The following INTU variants were observed in gnomAD, a reference collection of about 807,000 sequenced individuals.
The protein encoded by INTU is protein inturned.
INTU carries 68 observed loss-of-function variants against 100.5 expected under a neutral mutation model. The ratio of observed to expected loss-of-function variants is 0.68; its 90% confidence interval spans 0.56 to 0.83. The LOEUF is 0.83. INTU is among the 40% of genes least tolerant of loss of function. The pLI is 0.00. For missense variants in INTU, 1,071 were observed against 1,114.7 expected (o/e 0.96, Z 0.56); for synonymous variants, 357 against 395.7 (o/e 0.90, Z 1.16).
intron 5 of INTU, among the ~76,000 whole-genome samples, chr4:127,670,275 T>A (rs772156425): frequency 6.6e-6 from 1 of 151,860 alleles, no homozygotes; most frequent in Non-Finnish European, 1.5e-5. Flanking sequence ...TGAAAAAATA[T>A]CAAGTTGGAT....
chr4:127,680,781 G>T (rs1729497823), intron 6 of INTU, among the ~76,000 whole-genome samples: 2 of 150,166 alleles, frequency 1.3e-5, no homozygotes, highest in African/African-American at 4.9e-5. Flanking sequence ...GAAATAAAGG[G>T]TATTCAATTA....
chr4:127,691,383 T>C (rs950272824), intron 8 of INTU, among the ~76,000 whole-genome samples: 2 of 152,158 alleles, frequency 1.3e-5, no homozygotes, highest in African/African-American at 4.8e-5. Context: ...CTACCAGCAA[T>C]GAATGAGAGT....
intron 4 of INTU, among the ~76,000 whole-genome samples, chr4:127,668,286 C>T (rs936552687): frequency 6.6e-6 from 1 of 151,814 alleles, no homozygotes; most frequent in Admixed American, 6.6e-5. Flanking sequence ...TAAAAACTAT[C>T]TGTTTCCCGG....
chr4:127,654,550 C>T (rs1728082174), intron 2 of INTU, among the ~76,000 whole-genome samples: 1 of 152,066 alleles, frequency 6.6e-6, no homozygotes, highest in Admixed American at 6.6e-5. Context: ...GAATATTGGC[C>T]CCCACTCTCT....
intron 8 of INTU, among the ~76,000 whole-genome samples, chr4:127,688,101 A>G (rs1729915613): frequency 6.6e-6 from 1 of 152,150 alleles, no homozygotes; most frequent in Non-Finnish European, 1.5e-5. Flanking sequence ...TATCCAAGCT[A>G]GGACTACTTT....
intron 8 of INTU, among the ~76,000 whole-genome samples, chr4:127,695,616 C>A (rs921410949): frequency 5.3e-5 from 8 of 152,130 alleles, no homozygotes; most frequent in African/African-American, 1.9e-4. Context: ...TCAATTCTTT[C>A]AGATTTTCTG....
intron 1 of INTU, among the ~76,000 whole-genome samples, chr4:127,641,158 A>C (rs1235120885): frequency 6.6e-6 from 1 of 152,140 alleles, no homozygotes; most frequent in Admixed American, 6.6e-5. Flanking sequence ...CCCCCTGACT[A>C]GCCCTCCTGC....
In INTU at chr4:127,646,713, A is replaced by G. The variant is rs1380347205; in HGVS notation, c.682+2657A>G. ...TTTTCTTCATTTAACAGTTTTCACA[A>G]AAGCAAGTTGGTACCATTATTCAAG... On this transcript the variant is annotated intron_variant, in intron 2 of 15. Coordinates refer to ENST00000335251, the MANE Select transcript of INTU (RefSeq NM_015693.4). 2.0e-5 allele frequency among the ~76,000 whole-genome samples: 3 copies of G among 152,304 alleles called. No individual in the cohort carries two copies. The East Asian group carries it at 5.8e-4, about 29-fold the overall frequency.
intron 6 of INTU, among the ~76,000 whole-genome samples, chr4:127,678,983 AC>A (rs1281784127): frequency 3.3e-5 from 5 of 152,052 alleles, no homozygotes; most frequent in African/African-American, 1.2e-4. Flanking sequence ...CTTTAAACCA[AC>A]AAAGATCAAA....
chr4:127,708,977 G>A (rs1234524899), intron 13 of INTU, among the ~76,000 whole-genome samples: 1 of 152,120 alleles, frequency 6.6e-6, no homozygotes, highest in Admixed American at 6.6e-5. Flanking sequence ...ATTTTTTAGA[G>A]TGTTTGGTGG....
At chr4:127,636,647 C>A (rs542256669) in intron 1 of INTU, among the ~76,000 whole-genome samples, 1 of 151,834 alleles carries the variant, frequency 6.6e-6, no homozygotes, top group Non-Finnish European at 1.5e-5. Flanking sequence ...TACAGCAAAG[C>A]CCTAACACAA....
At chr4:127,638,872 A>G (rs1334176964) in intron 1 of INTU, among the ~76,000 whole-genome samples, 2 of 152,186 alleles carry the variant, frequency 1.3e-5, no homozygotes, top group Non-Finnish European at 2.9e-5. Context: ...TGCAGCTTGT[A>G]CTATAAGGTC....
chr4:127,650,396 C>G (rs986031155), intron 2 of INTU, among the ~76,000 whole-genome samples: 1 of 139,302 alleles, frequency 7.2e-6, no homozygotes, highest in African/African-American at 2.7e-5. Flanking sequence ...ACCACAGTCC[C>G]CAGAGTGTGA....
At chr4:127,665,735 A>G (rs1004354749) in intron 4 of INTU, among the ~76,000 whole-genome samples, 2 of 152,124 alleles carry the variant, frequency 1.3e-5, no homozygotes, top group African/African-American at 2.4e-5. Context: ...CTAGCTGCCA[A>G]TGAGAGAAGA....
At chr4:127,700,772 T>TAAA (rs370306956) in intron 9 of INTU, among the ~76,000 whole-genome samples, 37 of 137,792 alleles carry the variant, frequency 2.7e-4, no homozygotes, top group African/African-American at 9.1e-4. Context: ...ATAATGATAC[T>TAAA]AAAAAAAAAA....
chr4:127,650,482 T>C (rs1727802073), intron 2 of INTU, among the ~76,000 whole-genome samples: 1 of 151,614 alleles, frequency 6.6e-6, no homozygotes, highest in South Asian at 2.1e-4. Context: ...TGTTTGGTTT[T>C]TTGTTCTTGC....
Position 127,653,407 on chromosome 4 carries a change from T to G in INTU, c.683-3229T>G, listed in dbSNP as rs1482810612. On this transcript the variant is annotated intron_variant, in intron 2 of 15. Coordinates refer to ENST00000335251, the MANE Select transcript of INTU (RefSeq NM_015693.4). ...CACTGCTTTGAATGCGTCCCAGAGA[T>G]TCTGGTATGTTGTGTCTTTGTTCTC... 9.3e-3 allele frequency among the ~76,000 whole-genome samples: 1,347 copies of G among 144,624 alleles called. 9 individuals carry two copies. The highest frequency in any genetic ancestry group is 0.032 in the Middle Eastern group (9 of 284). 94.9% of individuals were successfully genotyped at this position (144,624 alleles called of 152,430 possible). A position where few individuals can be genotyped will look rare whatever the true frequency, so the allele number is the denominator to read the frequency against.
chr4:127,680,109 T>A (rs1683657336), intron 6 of INTU, among the ~76,000 whole-genome samples: 1 of 152,130 alleles, frequency 6.6e-6, no homozygotes, highest in Non-Finnish European at 1.5e-5. Flanking sequence ...GTGGCAATAA[T>A]CAATAGCTTA....
At chr4:127,655,136 C>G (rs1363637120) in intron 2 of INTU, among the ~76,000 whole-genome samples, 2 of 151,958 alleles carry the variant, frequency 1.3e-5, no homozygotes, top group Non-Finnish European at 2.9e-5. Context: ...AAATTTTTTT[C>G]AAAGTTTTCA....
Sources: allele counts gnomAD v4.1 joint callset (sites outside exome capture counted in the v4.1 genomes callset), GRCh38; gene constraint gnomAD v4.1.1; transcripts MANE v1.5; gene names NCBI Gene and HGNC (gene_info 2026-07-23, HGNC 2026-07-21).